CALN1: variants seen among roughly 807,000 people sequenced by gnomAD.
CALN1 encodes the protein calcium-binding protein 8.
In CALN1, 17 loss-of-function variants were observed where a neutral mutation model predicts 30.6. The ratio of observed to expected loss-of-function variants is 0.56; its 90% CI spans 0.38 to 0.83. The LOEUF is 0.83. CALN1 is among the 40% of genes least tolerant of loss of function. The pLI is 0.00. For missense variants in CALN1, 291 were observed against 354.9 expected (o/e 0.82, Z 1.45); for synonymous variants, 156 against 131.4 (o/e 1.19, Z -1.28).
intron 3 of CALN1, among the ~76,000 whole-genome samples, chr7:72,174,254 A>G (rs530000096): frequency 9.9e-5 from 15 of 152,284 alleles, no homozygotes; most frequent in African/African-American, 3.4e-4. Context: ...AAGGATGTAG[A>G]GCAACTGGAA....
intron 2 of CALN1, chr7:72,336,789 G>A (rs916297824): frequency 3.9e-5 from 38 of 985,002 alleles, no homozygotes; most frequent in Admixed American, 6.1e-5. Flanking sequence ...CGCAGGGAGG[G>A]GGCGGTGCGG....
At chr7:72,353,393 T>C (rs997800057) in intron 2 of CALN1, among the ~76,000 whole-genome samples, 10 of 152,206 alleles carry the variant, frequency 6.6e-5, no homozygotes, top group African/African-American at 2.4e-4. Context: ...AGGTGGAGTT[T>C]TTTTAAGTCA....
intron 2 of CALN1, chr7:72,337,229 A>G: frequency 6.1e-6 from 6 of 985,072 alleles, no homozygotes; most frequent in Non-Finnish European, 7.2e-6. Flanking sequence ...CGCCGACAGC[A>G]CCACACTCCT....
In CALN1 at chr7:71,961,205, T is replaced by TG. The variant is rs1797231871; in HGVS notation, c.501+62451dup. Among the ~76,000 whole-genome samples, 4 of 152,372 alleles carry TG rather than the reference T, an allele frequency of 2.6e-5. No individual in the cohort carries two copies. In the South Asian group the frequency reaches 8.3e-4, roughly 32 times the overall value. ...CTATACCTATAATACATAAGGTATCTGAAAGATTACTTCTCATTCATTTAT... is the reference window on the plus strand; with the variant it reads ...CTATACCTATAATACATAAGGTATCTGGAAAGATTACTTCTCATTCATTTAT... On this transcript the variant is annotated intron_variant, in intron 5 of 6. Transcript: ENST00000395275.
chr7:71,889,095 G>C (rs117440555), intron 5 of CALN1, among the ~76,000 whole-genome samples: 2 of 152,196 alleles, frequency 1.3e-5, no homozygotes, highest in African/African-American at 4.8e-5. Context: ...ACCCAGGTGC[G>C]ATGTGAGATC....
intron 4 of CALN1, among the ~76,000 whole-genome samples, chr7:72,085,989 G>C (rs1805460298): frequency 6.6e-6 from 1 of 152,002 alleles, no homozygotes; most frequent in African/African-American, 2.4e-5. Flanking sequence ...AAAATCATCT[G>C]AAAGTCAGGT....
chr7:71,888,216 C>G (rs751011393), intron 5 of CALN1, among the ~76,000 whole-genome samples: 1 of 151,946 alleles, frequency 6.6e-6, no homozygotes, highest in Non-Finnish European at 1.5e-5. Flanking sequence ...TGAGAAAGAA[C>G]AGTCAAACAA....
chr7:72,272,930 T>C (rs1282659305), intron 3 of CALN1, among the ~76,000 whole-genome samples: 1 of 151,874 alleles, frequency 6.6e-6, no homozygotes, highest in Non-Finnish European at 1.5e-5. Context: ...GTTCCTAGGA[T>C]GACCAAACGT....
At chr7:72,462,186 T>A in the CALN1 span, among the ~76,000 whole-genome samples, 2 of 146,642 alleles carry the variant, frequency 1.4e-5, no homozygotes, top group Non-Finnish European at 2.9e-5. Context: ...ATGTATTTAT[T>A]TATTTATTTA....
chr7:72,350,471 T>A (rs1802863430), intron 2 of CALN1, among the ~76,000 whole-genome samples: 1 of 152,206 alleles, frequency 6.6e-6, no homozygotes, highest in African/African-American at 2.4e-5. Flanking sequence ...TGAGATCATG[T>A]CTTTTGCACA....
intron 3 of CALN1, among the ~76,000 whole-genome samples, chr7:72,269,892 T>A (rs1796858130): frequency 6.6e-6 from 1 of 152,198 alleles, no homozygotes; most frequent in Non-Finnish European, 1.5e-5. Context: ...ATTTAGCACA[T>A]ACAACTTTAA....
At position 71,785,160 on chromosome 7, in the gene CALN1, T is replaced by C. The variant is rs1416861517; in HGVS notation, c.*2615A>G. 2 of 319,778 alleles carry C rather than the reference T, an allele frequency of 6.3e-6. No individual in the cohort carries two copies. The highest frequency in any genetic ancestry group is 1.1e-5 in the Non-Finnish European group (2 of 176,630). The allele number at this position is 319,778 out of a possible 1,614,324, so 19.8% of individuals were successfully genotyped here. On this transcript the variant is annotated 3_prime_UTR_variant, in exon 7 of 7. Transcript: ENST00000395275. ...ACTCCTAGGCTGTCAGAAAGAATTC[T>C]GTGTCTTCCTTCTTGCCATCTCTCT... is the stretch of plus-strand genomic sequence containing the variant.
At chr7:71,836,106 T>C (rs1373829842) in intron 5 of CALN1, among the ~76,000 whole-genome samples, 7 of 152,208 alleles carry the variant, frequency 4.6e-5, no homozygotes, top group Middle Eastern at 3.4e-3. Context: ...CTAGAATGAA[T>C]ACATGAGACA....
At chr7:72,464,664 A>C in the CALN1 span, among the ~76,000 whole-genome samples, 1 of 152,234 alleles carries the variant, frequency 6.6e-6, no homozygotes, top group Non-Finnish European at 1.5e-5. Flanking sequence ...TAAAATTAAC[A>C]GTTGCCCCAA....
chr7:72,019,395 G>A (rs575961213), intron 5 of CALN1, among the ~76,000 whole-genome samples: 314 of 152,224 alleles, frequency 2.1e-3, no homozygotes, highest in African/African-American at 6.8e-3. Context: ...GGCATTCACC[G>A]GGAGGCTGTT....
chr7:72,233,564 G>A (rs1374149845), intron 3 of CALN1, among the ~76,000 whole-genome samples: 1 of 152,034 alleles, frequency 6.6e-6, no homozygotes, highest in Non-Finnish European at 1.5e-5. Context: ...AAAAAAAACA[G>A]AAACATTAGC....
At chr7:72,263,163 A>G (rs548119619) in intron 3 of CALN1, among the ~76,000 whole-genome samples, 3 of 152,292 alleles carry the variant, frequency 2.0e-5, no homozygotes, top group South Asian at 2.1e-4. Context: ...AACAATAATT[A>G]CTATTCCTGC....
intron 5 of CALN1, among the ~76,000 whole-genome samples, chr7:71,900,739 G>T (rs935818860): frequency 6.6e-6 from 1 of 152,174 alleles, no homozygotes; most frequent in Non-Finnish European, 1.5e-5. Context: ...AATGACTGTT[G>T]GAGGGAAAGT....
intron 5 of CALN1, among the ~76,000 whole-genome samples, chr7:71,930,994 G>A (rs756810326): frequency 4.6e-5 from 7 of 152,078 alleles, no homozygotes; most frequent in African/African-American, 7.2e-5. Context: ...CTGGCAAAGC[G>A]ACAGATTACA....
Sources: allele counts gnomAD v4.1 joint callset (sites outside exome capture counted in the v4.1 genomes callset), GRCh38; gene constraint gnomAD v4.1.1; transcripts MANE v1.5; gene names NCBI Gene and HGNC (gene_info 2026-07-23, HGNC 2026-07-21).